ATRNL1: variants seen among roughly 807,000 people sequenced by gnomAD.
ATRNL1 encodes the protein attractin like 1, also known as attractin-like protein 1.
A neutral mutation model predicts 182.7 loss-of-function variants in ATRNL1; 95 were observed. The ratio of observed to expected loss-of-function variants is 0.52; its 90% CI spans 0.44 to 0.62. The LOEUF is 0.62. ATRNL1 is among the 20% of genes least tolerant of loss of function. ATRNL1 has a pLI of 0.00. For missense variants in ATRNL1, 1,471 were observed against 1,679.5 expected (o/e 0.88, Z 2.17); for synonymous variants, 576 against 568.3 (o/e 1.01, Z -0.19).
At chr10:115,195,317 T>C (rs1336962782) in intron 8 of ATRNL1, among the ~76,000 whole-genome samples, 2 of 152,178 alleles carry the variant, frequency 1.3e-5, no homozygotes, top group African/African-American at 4.8e-5. Flanking sequence ...CTTTGGTTTT[T>C]ATTTTTCTGA....
At chr10:115,443,428 G>C (rs904880773) in intron 21 of ATRNL1, among the ~76,000 whole-genome samples, 3 of 151,806 alleles carry the variant, frequency 2.0e-5, no homozygotes, top group Non-Finnish European at 2.9e-5. Context: ...GTACATTTTT[G>C]TGATTAATGA....
chr10:115,358,890 A>G (rs1236613657), intron 19 of ATRNL1, among the ~76,000 whole-genome samples: 1 of 151,674 alleles, frequency 6.6e-6, no homozygotes, highest in Non-Finnish European at 1.5e-5. Context: ...CTTGACTGTT[A>G]CATTAGCTTC....
chr10:115,315,207 G>T (rs570846240), intron 17 of ATRNL1, among the ~76,000 whole-genome samples: 1 of 152,202 alleles, frequency 6.6e-6, no homozygotes, highest in East Asian at 1.9e-4. Flanking sequence ...GGTCTGTAGG[G>T]CCCTAAAAGT....
intron 27 of ATRNL1, among the ~76,000 whole-genome samples, chr10:115,772,597 C>CTGTGTGTGTGTGTGTGTG (rs57939999): frequency 7.1e-5 from 10 of 140,390 alleles, no homozygotes; most frequent in South Asian, 4.6e-4. Context: ...TATACTCTGT[C>CTGTGTGTGTGTGTGTGTG]TGTGTGTGTG....
intron 19 of ATRNL1, among the ~76,000 whole-genome samples, chr10:115,388,994 T>A (rs1843823291): frequency 6.6e-6 from 1 of 152,156 alleles, no homozygotes; most frequent in Non-Finnish European, 1.5e-5. Flanking sequence ...GTCCAGTAGA[T>A]TACTAAAGCT....
intron 19 of ATRNL1, among the ~76,000 whole-genome samples, chr10:115,352,116 T>C (rs1856287132): frequency 6.6e-6 from 1 of 152,160 alleles, no homozygotes; most frequent in African/African-American, 2.4e-5. Flanking sequence ...TTGCTTATCA[T>C]AGTCTCTAAT....
chr10:115,634,647 T>C (rs74161615), intron 26 of ATRNL1, among the ~76,000 whole-genome samples: 1,672 of 152,316 alleles, frequency 0.011, 29 homozygotes, highest in African/African-American at 0.038. Context: ...AGTTCTTTAC[T>C]GTTTGAATGT....
At chr10:115,601,954 T>C (rs2133944441) in intron 26 of ATRNL1, among the ~76,000 whole-genome samples, 1 of 152,220 alleles carries the variant, frequency 6.6e-6, no homozygotes, top group South Asian at 2.1e-4. Context: ...TTTTTCAGGC[T>C]AATTGAGTAC....
chr10:115,814,159 ATGT>A (rs1950111299), intron 27 of ATRNL1, among the ~76,000 whole-genome samples: 1 of 152,148 alleles, frequency 6.6e-6, no homozygotes, highest in Non-Finnish European at 1.5e-5. Flanking sequence ...GAATGACCTA[ATGT>A]TCAGCCTTCT....
chr10:115,140,437 TTG>T (rs1564768507), intron 5 of ATRNL1, among the ~76,000 whole-genome samples: 1 of 152,196 alleles, frequency 6.6e-6, no homozygotes, highest in Non-Finnish European at 1.5e-5. Context: ...CAGAGAAACT[TTG>T]TAATGTGGAC....
At chr10:115,237,430 A>T (rs1459506820) in intron 9 of ATRNL1, among the ~76,000 whole-genome samples, 2 of 152,178 alleles carry the variant, frequency 1.3e-5, no homozygotes, top group Non-Finnish European at 2.9e-5. Flanking sequence ...CTATTCTAAT[A>T]TGTGTGTAGT....
intron 26 of ATRNL1, among the ~76,000 whole-genome samples, chr10:115,610,523 C>G (rs2804224): frequency 0.5 from 76,103 of 151,956 alleles, 20,082 homozygotes; most frequent in East Asian, 0.84. Context: ...TTAGTCTTAT[C>G]AGTGAATTAA....
At chr10:115,752,685 C>T (rs1244236249) in intron 27 of ATRNL1, among the ~76,000 whole-genome samples, 1 of 152,036 alleles carries the variant, frequency 6.6e-6, no homozygotes, top group Non-Finnish European at 1.5e-5. Context: ...AAAGAAGCCT[C>T]TATAGCGCTT....
chr10:115,687,835 C>T (rs1565286612), intron 26 of ATRNL1, among the ~76,000 whole-genome samples: 2 of 151,998 alleles, frequency 1.3e-5, no homozygotes, highest in Admixed American at 1.3e-4. Context: ...CTCTCTTGTA[C>T]TTATTTCAAA....
chr10:115,438,889 G>T (rs1196047314), intron 21 of ATRNL1, among the ~76,000 whole-genome samples: 2 of 151,678 alleles, frequency 1.3e-5, no homozygotes, highest in African/African-American at 4.8e-5. Context: ...ACCCCCTGAG[G>T]TATAGAGGCA....
chr10:115,466,176 A>G (rs1449058733), intron 22 of ATRNL1, among the ~76,000 whole-genome samples: 3 of 151,284 alleles, frequency 2.0e-5, no homozygotes, highest in African/African-American at 7.3e-5. Context: ...TTGCTTCCAT[A>G]TTTACTTTCT....
At chr10:115,374,457 C>T (rs1397806624) in intron 19 of ATRNL1, among the ~76,000 whole-genome samples, 6 of 82,838 alleles carry the variant, frequency 7.2e-5, no homozygotes, top group Non-Finnish European at 2.0e-4. Context: ...CCTTCCTTTC[C>T]TTCCTTCCTT....
intron 27 of ATRNL1, among the ~76,000 whole-genome samples, chr10:115,825,948 A>G (rs1950421819): frequency 6.6e-6 from 1 of 152,262 alleles, no homozygotes; most frequent in African/African-American, 2.4e-5. Context: ...GCACTGCTGA[A>G]TGAATGAATG....
intron 18 of ATRNL1, among the ~76,000 whole-genome samples, chr10:115,326,988 A>G (rs569672879): frequency 1.3e-5 from 2 of 152,332 alleles, no homozygotes; most frequent in Admixed American, 1.3e-4. Context: ...ACCCTAGAAG[A>G]AAACCTAGGC....
Sources: allele counts gnomAD v4.1 joint callset (sites outside exome capture counted in the v4.1 genomes callset), GRCh38; gene constraint gnomAD v4.1.1; transcripts MANE v1.5; gene names NCBI Gene and HGNC (gene_info 2026-07-23, HGNC 2026-07-21).